Variants in SRRM1 observed in about 807,000 individuals in gnomAD.
SRRM1 encodes serine and arginine repetitive matrix 1.
Under a neutral mutation model 110.2 loss-of-function variants are expected in SRRM1, and 19 were observed. The ratio of observed to expected loss-of-function variants is 0.17; its 90% confidence interval spans 0.12 to 0.25. SRRM1 has a LOEUF of 0.25. SRRM1 is among the 10% of genes least tolerant of loss of function. The probability of loss-of-function intolerance (pLI) is 1.00; values close to 1 mark genes in which losing one functional copy is unlikely to be tolerated. For missense variants in SRRM1, 918 were observed against 1,145.8 expected, an observed-to-expected ratio of 0.80 and a Z score of 2.87; for synonymous variants, 443 against 414.9, an observed-to-expected ratio of 1.07 and a Z score of -0.82.
chr1:24,660,909 T>A (rs1009872820), intron 10 of SRRM1, 110 bp downstream of exon 10: 2 of 714,694 alleles, frequency 2.8e-6, no homozygotes, highest in Non-Finnish European at 2.3e-6. Context: ...GAAGATTAAG[T>A]ATAGGGTAAG....
At chr1:24,659,712 T>C (rs1459361148) in intron 9 of SRRM1, among the ~76,000 whole-genome samples, 2 of 152,190 alleles carry the variant, frequency 1.3e-5, no homozygotes, top group East Asian at 3.8e-4. Context: ...TTTCCTCTCT[T>C]GTGAAATGGA....
intron 3 of SRRM1, chr1:24,647,109 G>A (rs1658090442): frequency 1.4e-5 from 3 of 213,612 alleles, no homozygotes. Flanking sequence ...TATTCCTTGC[G>A]TCTGAAGTAT....
At position 24,672,772 on chromosome 1, in the gene SRRM1, G is replaced by A. The variant is rs1196354414; in HGVS notation, c.*486G>A. The A allele has an allele frequency of 6.6e-6, 1 of 152,658 alleles. No individual in the cohort carries two copies. Among genetic ancestry groups the A allele is most frequent in the Non-Finnish European group, 1.5e-5 (1 of 68,106 alleles). The allele number at this position is 152,658 out of a possible 1,614,324, so 9.5% of individuals were successfully genotyped here. A position where few individuals can be genotyped will look rare whatever the true frequency, so the allele number is the denominator to read the frequency against. ...ACCACTGTTTTGAACTACCACAAAA[G>A]TATAAATGAATATTTTAATGCCACA... On this transcript the variant is annotated 3_prime_UTR_variant, in exon 17 of 17. Transcript: ENST00000323848.
chr1:24,671,878 C>T (rs1672911670), intron 16 of SRRM1, among the ~76,000 whole-genome samples: 1 of 150,616 alleles, frequency 6.6e-6, no homozygotes, highest in Non-Finnish European at 1.5e-5. Flanking sequence ...CAGTTCAGTA[C>T]TCAAAAGATT....
chr1:24,668,150 T>G (rs928296331), intron 13 of SRRM1, among the ~76,000 whole-genome samples: 2 of 151,826 alleles, frequency 1.3e-5, no homozygotes, highest in African/African-American at 4.8e-5. Flanking sequence ...TTTTGTATTT[T>G]TTGTAGAGAT....
rs562383791 is a variant in SRRM1, at chr1:24,659,314, A to G, written c.1316-1405A>G. Among the ~76,000 whole-genome samples the G allele has an allele frequency of 1.2e-4, 18 of 152,316 alleles. 1 individual carries two copies. The highest frequency in any genetic ancestry group is 4.3e-4 in the African/African-American group (18 of 41,560). On this transcript the variant is annotated intron_variant, in intron 9 of 16. Coordinates refer to ENST00000323848, the MANE Select transcript of SRRM1 (RefSeq NM_005839.4). ...TACTGTGTTAGATCACTGGTTCTCT[A>G]ATTACTGCCCCTTGGAATAAACCAT...
intron 13 of SRRM1, among the ~76,000 whole-genome samples, chr1:24,668,159 A>G (rs1232983771): frequency 6.6e-6 from 1 of 151,576 alleles, no homozygotes; most frequent in African/African-American, 2.4e-5. Flanking sequence ...TTTTGTAGAG[A>G]TGAGGTTTCA....
chr1:24,647,316 A>T (rs1377695512), intron 3 of SRRM1: 1 of 152,632 alleles, frequency 6.6e-6, no homozygotes, highest in African/African-American at 2.4e-5. Context: ...CTATTATGAG[A>T]TGGACATTTA....
chr1:24,654,543 A>G (rs1014496721), intron 8 of SRRM1, among the ~76,000 whole-genome samples: 3 of 152,216 alleles, frequency 2.0e-5, no homozygotes, highest in African/African-American at 7.2e-5. Context: ...CAAAACACCA[A>G]TACCATTCCT....
At chr1:24,652,833 G>T in intron 7 of SRRM1, 80 bp from the exon 8 acceptor site, 1 of 1,493,600 alleles carries the variant, frequency 6.7e-7, no homozygotes, top group Non-Finnish European at 9.0e-7. Context: ...TTATTTTTTA[G>T]ATGTGGCCAT....
At chr1:24,654,360 C>A (rs897176436) in intron 8 of SRRM1, 1 of 1,289,192 alleles carries the variant, frequency 7.8e-7, no homozygotes, top group African/African-American at 1.5e-5. Context: ...ATAATTGCAA[C>A]AGAACTTAAC....
chr1:24,671,171 A>T (rs1169860758), intron 15 of SRRM1, among the ~76,000 whole-genome samples: 1 of 152,210 alleles, frequency 6.6e-6, no homozygotes, highest in Non-Finnish European at 1.5e-5. Context: ...ATAGTTCAGG[A>T]GCTGGAATTG....
chr1:24,643,466 C>G (rs1020133123), intron 1 of SRRM1, 119 bp downstream of exon 1: 1 of 837,148 alleles, frequency 1.2e-6, no homozygotes, highest in East Asian at 3.4e-5. Context: ...TTAAGGATTC[C>G]TCCTAGAGCC....
chr1:24,646,841 A>C, intron 3 of SRRM1, 52 bp downstream of exon 3: 1 of 1,478,354 alleles, frequency 6.8e-7, no homozygotes, highest in Non-Finnish European at 9.0e-7. Context: ...TAATTTGTGA[A>C]TCTTTGGAAA....
chr1:24,652,063 T>C (rs1661228098), intron 6 of SRRM1, among the ~76,000 whole-genome samples: 1 of 131,642 alleles, frequency 7.6e-6, no homozygotes, highest in East Asian at 2.1e-4. Flanking sequence ...TATATATATA[T>C]GTACACACAC....
In SRRM1 at chr1:24,662,803, C is replaced by T. The variant is rs1254361791; in HGVS notation, c.1627C>T (p.Arg543Cys). Reference protein sequence around the residue: ...PRKRQKETSPRGRRRRSPSPP... With the variant: ...PRKRQKETSPCGRRRRSPSPP... ...AAAGCGCCAAAAAGAGACTTCCCCT[C>T]GGTAACATCTTTGCTTCAGTGATGT... The change falls in exon 12 of 17, where the codon CGT (arginine) becomes TGT (cysteine). Residue 543 changes from arginine (R) to cysteine (C), a missense_variant and splice_region_variant. This residue lies in a region of SRRM1 where 357 missense variants were observed against 402.9 expected (regional missense o/e 0.89). Coordinates refer to ENST00000323848, the MANE Select transcript of SRRM1 (RefSeq NM_005839.4). The T allele has an allele frequency of 1.2e-6, 2 of 1,614,062 alleles. No homozygotes were observed. The highest frequency in any genetic ancestry group is 1.1e-5 in the South Asian group (1 of 91,070).
chr1:24,669,920 ATAGAT>A (rs1671891206), intron 14 of SRRM1, 195 bp from the exon 15 acceptor site: 1 of 583,550 alleles, frequency 1.7e-6, no homozygotes, highest in South Asian at 2.5e-5. Flanking sequence ...CATTAACAGA[ATAGAT>A]AGAGGATTAT....
At chr1:24,654,273 T>C in intron 8 of SRRM1, 1 of 1,288,632 alleles carries the variant, frequency 7.8e-7, no homozygotes, top group Non-Finnish European at 1.0e-6. Flanking sequence ...CCAGTTTTTA[T>C]CTCACACTTA....
intron 2 of SRRM1, among the ~76,000 whole-genome samples, 152 bp from the exon 3 acceptor site, chr1:24,646,513 ACT>A (rs1462898855): frequency 6.8e-6 from 1 of 147,672 alleles, no homozygotes; most frequent in African/African-American, 2.6e-5. Context: ...AGAGTGCAAG[ACT>A]CTGTCTCAAA....
Sources: gnomAD v4.1 joint callset for allele counts (sites outside exome capture counted in the v4.1 genomes callset) on GRCh38, gnomAD v4.1.1 for gene constraint, gnomAD v4.1.1 regional missense constraint, MANE v1.5 for transcripts, NCBI Gene and HGNC (gene_info 2026-07-23, HGNC 2026-07-21) for gene names.